The following IAH1 variants were observed in gnomAD, a reference collection of about 807,000 sequenced individuals.
IAH1 encodes the protein isoamyl acetate hydrolyzing esterase 1 (putative).
A neutral mutation model predicts 26.7 loss-of-function variants in IAH1; 24 were observed. The ratio of observed to expected loss-of-function variants is 0.90; its 90% CI spans 0.65 to 1.26. IAH1 has a LOEUF of 1.26. Ranked by LOEUF, IAH1 falls within the 50% of genes most tolerant of loss-of-function variation. The pLI is 0.00. For synonymous variants in IAH1, 140 were observed against 118.5 expected (o/e 1.18, Z -1.18); for missense variants, 300 against 299.9 (o/e 1.00, Z 0.00).
chr2:9,476,523 T>G, intron 2 of IAH1, among the ~76,000 whole-genome samples: 1 of 152,220 alleles, frequency 6.6e-6, no homozygotes, highest in East Asian at 1.9e-4. Flanking sequence ...CAAACAGGCT[T>G]TGTGTGAGCA....
In IAH1 at chr2:9,478,297, C is replaced by T; in HGVS notation, c.210C>T (p.Ile70=). ...CCAAAATTATCCTTCCAAGATTAAT[C>T]AGGAAAGGAAACAGTTTGGACATCC... ...RWAKIILPRL[I]RKGNSLDIPV... The change falls in exon 3 of 6, where the codon ATC becomes ATT. Residue 70 remains isoleucine, a synonymous_variant. Coordinates refer to ENST00000497473, the MANE Select transcript of IAH1 (RefSeq NM_001039613.3). 1.9e-6 allele frequency: 3 copies of T among 1,613,194 alleles called. No individual in the cohort carries two copies. The highest frequency in any genetic ancestry group is 2.5e-6 in the Non-Finnish European group (3 of 1,179,410).
intron 5 of IAH1, among the ~76,000 whole-genome samples, chr2:9,487,803 T>C (rs1389055068): frequency 5.6e-5 from 5 of 89,640 alleles, no homozygotes; most frequent in Admixed American, 3.0e-4. Flanking sequence ...TGTGTGTGTG[T>C]GTGTGTGTGT....
upstream of IAH1, chr2:9,474,543 C>CGCCCG: frequency 7.1e-7 from 1 of 1,400,504 alleles, no homozygotes; most frequent in South Asian, 1.4e-5. The surrounding 1 kb of genome is among the most constrained non-coding windows in gnomAD (Gnocchi z 4.3). Context: ...CTGGCGGCCC[C>CGCCCG]GCCCCGCCCC....
chr2:9,495,887 A>C (rs1242736078), intron 6 of IAH1, among the ~76,000 whole-genome samples: 1 of 136,698 alleles, frequency 7.3e-6, no homozygotes, highest in Non-Finnish European at 1.5e-5. Context: ...TTAAGAGGTG[A>C]GGTTTCACAA....
chr2:9,481,072 CT>C (rs1237345974), intron 3 of IAH1, among the ~76,000 whole-genome samples: 1 of 152,190 alleles, frequency 6.6e-6, no homozygotes, highest in Non-Finnish European at 1.5e-5. Context: ...GACAAGAGTA[CT>C]TACGGTGCCC....
At chr2:9,485,146 A>C (rs1661402996) in intron 5 of IAH1, 1 of 152,462 alleles carries the variant, frequency 6.6e-6, no homozygotes. Context: ...TGTTGACAGC[A>C]GCATTATTCC....
intron 4 of IAH1, among the ~76,000 whole-genome samples, chr2:9,481,893 C>A (rs991355934): frequency 6.6e-6 from 1 of 152,164 alleles, no homozygotes; most frequent in Admixed American, 6.5e-5. Flanking sequence ...ACTTGGGTTT[C>A]ACATCCCTCA....
chr2:9,492,248 C>T (rs1266572653), downstream of IAH1, among the ~76,000 whole-genome samples: 2 of 152,216 alleles, frequency 1.3e-5, no homozygotes, highest in African/African-American at 4.8e-5. Flanking sequence ...GCAGACAAAT[C>T]CCCATTCCCC....
At chr2:9,503,160 A>G in the IAH1 span, among the ~76,000 whole-genome samples, 2 of 142,578 alleles carry the variant, frequency 1.4e-5, no homozygotes, top group Non-Finnish European at 3.1e-5. Context: ...AAAGACAAGG[A>G]AAAAAAAAAA....
the IAH1 span, chr2:9,512,257 TTA>T: frequency 1.0e-5 from 1 of 95,998 alleles, no homozygotes; most frequent in African/African-American, 5.0e-5. Context: ...CTAATGACTC[TTA>T]AAAAAAAATC....
At chr2:9,511,492 T>C in the IAH1 span, among the ~76,000 whole-genome samples, 1 of 152,006 alleles carries the variant, frequency 6.6e-6, no homozygotes, top group South Asian at 2.1e-4. Context: ...AACAAAACAA[T>C]GTTTTATTTT....
chr2:9,502,740 G>A, the IAH1 span, among the ~76,000 whole-genome samples: 10 of 151,382 alleles, frequency 6.6e-5, no homozygotes, highest in African/African-American at 2.2e-4. Flanking sequence ...TTAGCTGGGC[G>A]TGGTGGTGCG....
chr2:9,506,827 A>T, the IAH1 span: 1 of 151,950 alleles, frequency 6.6e-6, no homozygotes, highest in East Asian at 1.9e-4. Context: ...AGATAAGAAG[A>T]CCTCTTCACT....
Position 9,488,909 on chromosome 2 carries a change from G to GA in IAH1, c.*587dup, listed in dbSNP as rs1661825724. On this transcript the variant is annotated 3_prime_UTR_variant, in exon 6 of 6. Transcript: ENST00000497473. The stretch of plus-strand genomic sequence containing the variant: ...GGTGAGCACATTTCAGTTCTTAGGG[G>GA]AAAAAAAGCTTTTAATGGCAATTTA... The GA allele has an allele frequency of 6.6e-6, 1 of 152,044 alleles. No individual in the cohort carries two copies. Among genetic ancestry groups the GA allele is most frequent in the Non-Finnish European group, 1.5e-5 (1 of 67,996 alleles). The allele number at this position is 152,044 out of a possible 1,614,324, so 9.4% of individuals were successfully genotyped here.
At chr2:9,494,916 C>T (rs1465610528) in intron 6 of IAH1, 1 of 925,976 alleles carries the variant, frequency 1.1e-6, no homozygotes, top group African/African-American at 1.7e-5. Flanking sequence ...ATAGCCCCCA[C>T]CAAGGAGTAG....
the IAH1 span, chr2:9,505,506 C>CA: frequency 1.3e-6 from 1 of 784,516 alleles, no homozygotes; most frequent in Non-Finnish European, 2.1e-6. Context: ...AAGGCCACCA[C>CA]AGTCTCCTCC....
rs371787331 is a variant in IAH1, at chr2:9,478,171, C to T, written c.135-51C>T. ...CCTCACTAAAGGCCGGTTACTGCGA[C>T]CATAAACACTTCTTGCCCACAATTC... On this transcript the variant is annotated intron_variant, in intron 2 of 5. Transcript: ENST00000497473. 55 of 1,534,484 alleles carry T rather than the reference C, an allele frequency of 3.6e-5. No homozygotes were observed. The African/African-American group carries it at 7.1e-4, about 20-fold the overall frequency.
the IAH1 span, among the ~76,000 whole-genome samples, chr2:9,507,470 C>G: frequency 1.1e-4 from 16 of 152,054 alleles, no homozygotes; most frequent in Admixed American, 2.0e-4. Context: ...CCACTGCACT[C>G]CAGCCTGGGC....
At chr2:9,497,906 T>A (rs545356582), downstream of IAH1, among the ~76,000 whole-genome samples, 134 of 152,302 alleles carry the variant, frequency 8.8e-4, 3 homozygotes, top group Middle Eastern at 6.8e-3. Flanking sequence ...TTTAATGTTA[T>A]TTTCTGTTTT....
Sources: gnomAD v4.1 joint callset for allele counts (sites outside exome capture counted in the v4.1 genomes callset) on GRCh38, gnomAD v4.1.1 for gene constraint, Gnocchi (gnomAD v3.1) non-coding constraint, MANE v1.5 for transcripts, NCBI Gene and HGNC (gene_info 2026-07-23, HGNC 2026-07-21) for gene names.